STK31: variants seen among roughly 807,000 people sequenced by gnomAD.
STK31 encodes serine/threonine kinase 31.
In STK31, 89 loss-of-function variants were observed where a neutral mutation model predicts 129.7. The ratio of observed to expected loss-of-function variants is 0.69; its 90% CI spans 0.58 to 0.82. The LOEUF (loss-of-function observed/expected upper bound fraction) is 0.82. STK31 is among the 40% of genes least tolerant of loss of function. The pLI is 0.00. For synonymous variants in STK31, 448 were observed against 395.3 expected (o/e 1.13, Z -1.58); for missense variants, 1,187 against 1,176.4 (o/e 1.01, Z -0.13).
intron 23 of STK31, among the ~76,000 whole-genome samples, chr7:23,817,301 G>A (rs1445891657): frequency 1.3e-5 from 2 of 152,232 alleles, no homozygotes; most frequent in African/African-American, 4.8e-5. Context: ...CACAGTCCCC[G>A]TTTAATGTGG....
chr7:23,827,389 C>T (rs549454196), intron 23 of STK31, among the ~76,000 whole-genome samples: 12 of 152,166 alleles, frequency 7.9e-5, no homozygotes, highest in African/African-American at 2.4e-4. Flanking sequence ...TTGATCGCGT[C>T]GGTTACTGAG....
intron 10 of STK31, among the ~76,000 whole-genome samples, chr7:23,761,545 C>T (rs6953817): frequency 0.25 from 37,710 of 151,290 alleles, 5,132 homozygotes; most frequent in East Asian, 0.39. Flanking sequence ...CTCAGCCTCC[C>T]GAGTTGCTGG....
chr7:23,791,265 T>G (rs1221123818), intron 22 of STK31: 1 of 985,220 alleles, frequency 1.0e-6, no homozygotes, highest in South Asian at 4.7e-5. Flanking sequence ...GCCTTGGGTA[T>G]ATTCCTGCTT....
At chr7:23,765,556 T>C (rs1017273172) in intron 11 of STK31, among the ~76,000 whole-genome samples, 6 of 98,194 alleles carry the variant, frequency 6.1e-5, no homozygotes, top group Admixed American at 2.5e-4. Flanking sequence ...ACACCTCTTA[T>C]ACTTTTTTTT....
chr7:23,808,794 C>T (rs1792882531), intron 22 of STK31, among the ~76,000 whole-genome samples: 1 of 151,784 alleles, frequency 6.6e-6, no homozygotes, highest in African/African-American at 2.4e-5. Context: ...CCTCACTCAG[C>T]ACTACTAATA....
chr7:23,795,156 G>A (rs914323648), intron 22 of STK31, among the ~76,000 whole-genome samples: 1 of 152,218 alleles, frequency 6.6e-6, no homozygotes, highest in Non-Finnish European at 1.5e-5. Flanking sequence ...CAGAGGCCTA[G>A]GAGGAAAAAA....
At chr7:23,715,839 G>A (rs183271609) in intron 3 of STK31, among the ~76,000 whole-genome samples, 10 of 151,892 alleles carry the variant, frequency 6.6e-5, no homozygotes, top group South Asian at 4.2e-4. Flanking sequence ...TATTTTGTTG[G>A]TATATTTCTT....
chr7:23,816,243 T>C (rs1168788957), intron 23 of STK31, among the ~76,000 whole-genome samples: 3 of 152,192 alleles, frequency 2.0e-5, no homozygotes, highest in Non-Finnish European at 4.4e-5. Context: ...GTTTACAGTT[T>C]TGAAAAGGCT....
intron 22 of STK31, among the ~76,000 whole-genome samples, chr7:23,807,906 T>C (rs1360735520): frequency 6.6e-6 from 1 of 151,984 alleles, no homozygotes; most frequent in Non-Finnish European, 1.5e-5. Flanking sequence ...TTATATCTTC[T>C]GTCTTCTGTT....
intron 8 of STK31, 63 bp from the exon 9 acceptor site, chr7:23,752,654 A>G: frequency 7.9e-7 from 1 of 1,263,074 alleles, no homozygotes; most frequent in Admixed American, 1.8e-5. Context: ...AATTATTTAA[A>G]TTATAGCAGA....
At position 23,772,122 on chromosome 7, in the gene STK31, AAATACGT is replaced by A; in HGVS notation, c.1834-22_1834-16del. On this transcript the variant is annotated intron_variant, in intron 14 of 23. Coordinates refer to ENST00000355870, the MANE Select transcript of STK31 (RefSeq NM_031414.5). ...ATAAATACTTTTCTTATGTGTTTGA[AAATACGT>A]AACTTTTGTTTACTTAGTTTAAAAA... 1 of 1,499,718 alleles carries A rather than the reference AAATACGT, an allele frequency of 6.7e-7. No individual in the cohort carries two copies. The highest frequency in any genetic ancestry group is 9.0e-7 in the Non-Finnish European group (1 of 1,108,970). The allele number at this position is 1,499,718 out of a possible 1,614,324, so 92.9% of individuals were successfully genotyped here. A position where few individuals can be genotyped will look rare whatever the true frequency, so the allele number is the denominator to read the frequency against.
chr7:23,770,923 G>A, intron 13 of STK31, 82 bp from the exon 14 acceptor site: 4 of 1,385,788 alleles, frequency 2.9e-6, no homozygotes, highest in Non-Finnish European at 3.8e-6. Flanking sequence ...GCATAATTTT[G>A]AAGTTTATCT....
chr7:23,824,785 T>A (rs1794017645), intron 23 of STK31, among the ~76,000 whole-genome samples: 1 of 151,676 alleles, frequency 6.6e-6, no homozygotes. Flanking sequence ...AATACCTAAT[T>A]TATTGAGAGT....
intron 8 of STK31, among the ~76,000 whole-genome samples, chr7:23,749,905 T>C (rs907172438): frequency 2.0e-5 from 3 of 151,944 alleles, no homozygotes; most frequent in Non-Finnish European, 4.4e-5. Flanking sequence ...CCTCCTCCCA[T>C]GTGGAAGGAT....
intron 23 of STK31, among the ~76,000 whole-genome samples, chr7:23,824,425 T>C (rs1214395991): frequency 2.0e-5 from 3 of 152,226 alleles, no homozygotes; most frequent in Non-Finnish European, 2.9e-5. Flanking sequence ...ATAAGAATGC[T>C]TGTGATTTTT....
At chr7:23,719,156 T>C (rs1246361254) in intron 4 of STK31, among the ~76,000 whole-genome samples, 1 of 152,124 alleles carries the variant, frequency 6.6e-6, no homozygotes, top group Non-Finnish European at 1.5e-5. Context: ...TTTTTTTCAC[T>C]TTAATTTTCA....
intron 13 of STK31, 148 bp from the exon 14 acceptor site, chr7:23,770,857 A>G: frequency 1.2e-6 from 1 of 818,340 alleles, no homozygotes; most frequent in Non-Finnish European, 1.8e-6. Context: ...TCTTCTGACT[A>G]GGAAAACATT....
At chr7:23,816,645 A>G (rs899195841) in intron 23 of STK31, among the ~76,000 whole-genome samples, 2 of 152,226 alleles carry the variant, frequency 1.3e-5, no homozygotes, top group Non-Finnish European at 2.9e-5. Context: ...GTTGCCCTCA[A>G]TCCTTTGCCC....
chr7:23,786,442 G>T, intron 18 of STK31, 66 bp from the exon 19 acceptor site: 3 of 1,390,598 alleles, frequency 2.2e-6, no homozygotes, highest in South Asian at 1.8e-5. Flanking sequence ...GTTTAAATTG[G>T]AATGATGTAT....
Sources: gnomAD v4.1 joint callset for allele counts (sites outside exome capture counted in the v4.1 genomes callset) on GRCh38, gnomAD v4.1.1 for gene constraint, MANE v1.5 for transcripts, NCBI Gene and HGNC (gene_info 2026-07-23, HGNC 2026-07-21) for gene names.